Variants in SUGCT observed in about 807,000 individuals in gnomAD.
SUGCT encodes succinyl-CoA:glutarate-CoA transferase.
Under a neutral mutation model 55.0 loss-of-function variants are expected in SUGCT, and 41 were observed. That is an observed-to-expected ratio of 0.74 (90% CI 0.58 to 0.97). The LOEUF (loss-of-function observed/expected upper bound fraction) is 0.97, where lower values mean the gene tolerates loss of function less well. Ranked by LOEUF, SUGCT falls within the 50% of genes least tolerant of loss-of-function variation. SUGCT has a pLI of 0.00. For missense variants in SUGCT, 568 were observed against 547.8 expected, an observed-to-expected ratio of 1.04 and a Z score of -0.37; for synonymous variants, 187 against 200.4, an observed-to-expected ratio of 0.93 and a Z score of 0.56.
At chr7:40,887,233 A>G in the SUGCT span, among the ~76,000 whole-genome samples, 7 of 152,228 alleles carry the variant, frequency 4.6e-5, no homozygotes, top group Non-Finnish European at 1.0e-4. Context: ...TAAAATGGGA[A>G]GTTACCAAGG....
chr7:40,336,522 T>C (rs1418492575), intron 9 of SUGCT, among the ~76,000 whole-genome samples: 1 of 152,232 alleles, frequency 6.6e-6, no homozygotes, highest in African/African-American at 2.4e-5. Context: ...CTAGATTTTC[T>C]AGTTTATTTG....
At chr7:40,233,202 A>C (rs1788821388) in intron 6 of SUGCT, among the ~76,000 whole-genome samples, 1 of 151,832 alleles carries the variant, frequency 6.6e-6, no homozygotes, top group African/African-American at 2.4e-5. Context: ...CTATTATGGA[A>C]TATATATGTT....
At chr7:40,925,684 A>G in the SUGCT span, among the ~76,000 whole-genome samples, 1 of 152,180 alleles carries the variant, frequency 6.6e-6, no homozygotes, top group Non-Finnish European at 1.5e-5. Context: ...TACCAAGATA[A>G]GAAAACTGGA....
chr7:40,337,729 G>A (rs552540276), intron 9 of SUGCT, among the ~76,000 whole-genome samples: 6 of 152,198 alleles, frequency 3.9e-5, no homozygotes, highest in Admixed American at 3.9e-4. Context: ...CTTTTAATTG[G>A]AGTATTTAGC....
At chr7:40,937,326 G>T in the SUGCT span, among the ~76,000 whole-genome samples, 4 of 152,038 alleles carry the variant, frequency 2.6e-5, no homozygotes, top group African/African-American at 9.7e-5. Context: ...CTGCCACTAT[G>T]CCCAGCAAAT....
chr7:40,334,815 G>T (rs573572121), intron 9 of SUGCT, among the ~76,000 whole-genome samples: 2 of 152,324 alleles, frequency 1.3e-5, no homozygotes, highest in Admixed American at 1.3e-4. Flanking sequence ...TTTTAGACAT[G>T]TAGTCCTTGC....
At chr7:40,425,649 G>A (rs1016988602) in intron 9 of SUGCT, among the ~76,000 whole-genome samples, 5 of 152,104 alleles carry the variant, frequency 3.3e-5, no homozygotes, top group African/African-American at 9.7e-5. Context: ...AAGATTGGTG[G>A]GGAGCCTTAG....
At chr7:40,898,089 G>A in the SUGCT span, among the ~76,000 whole-genome samples, 4 of 152,134 alleles carry the variant, frequency 2.6e-5, no homozygotes, top group Admixed American at 1.3e-4. Flanking sequence ...TTTATGAGCT[G>A]TAACACTCAC....
chr7:40,417,215 C>G (rs1204197779), intron 9 of SUGCT, among the ~76,000 whole-genome samples: 1 of 151,842 alleles, frequency 6.6e-6, no homozygotes, highest in Non-Finnish European at 1.5e-5. Context: ...TACATTTCAG[C>G]TTTTTTCTTT....
intron 13 of SUGCT, among the ~76,000 whole-genome samples, chr7:40,828,525 T>C (rs1202087909): frequency 6.6e-6 from 1 of 151,624 alleles, no homozygotes; most frequent in Non-Finnish European, 1.5e-5. Context: ...AAAGATTTTG[T>C]TTCCTCCTCC....
chr7:40,264,996 TA>T (rs1271892923), intron 7 of SUGCT, among the ~76,000 whole-genome samples: 9 of 152,244 alleles, frequency 5.9e-5, no homozygotes, highest in African/African-American at 2.2e-4. Context: ...AAGTAGATTT[TA>T]TCATTACCCA....
chr7:40,881,221 C>A, the SUGCT span, among the ~76,000 whole-genome samples: 2 of 152,166 alleles, frequency 1.3e-5, no homozygotes, highest in African/African-American at 4.8e-5. Context: ...TCAGCCAAAG[C>A]CTTGGCTAGT....
chr7:40,411,196 C>A (rs1369804522), intron 9 of SUGCT, among the ~76,000 whole-genome samples: 3 of 152,108 alleles, frequency 2.0e-5, no homozygotes, highest in Non-Finnish European at 4.4e-5. Context: ...AGTTCAAGAC[C>A]AACCTGGCCA....
At chr7:40,626,811 A>C (rs1454917432) in intron 12 of SUGCT, among the ~76,000 whole-genome samples, 2 of 152,098 alleles carry the variant, frequency 1.3e-5, no homozygotes, top group East Asian at 3.9e-4. Context: ...ATGCACAATC[A>C]TACCTGCTTC....
At chr7:40,505,660 A>G (rs1484296211) in intron 12 of SUGCT, among the ~76,000 whole-genome samples, 2 of 152,084 alleles carry the variant, frequency 1.3e-5, no homozygotes, top group African/African-American at 4.8e-5. Flanking sequence ...GTGTGCATAT[A>G]TACATATGAA....
chr7:40,244,742 C>T (rs1348196965), intron 7 of SUGCT, among the ~76,000 whole-genome samples: 4 of 152,132 alleles, frequency 2.6e-5, no homozygotes, highest in Non-Finnish European at 2.9e-5. Context: ...ATTTATTTTT[C>T]GAAGAGGTAA....
the SUGCT span, among the ~76,000 whole-genome samples, chr7:41,022,029 C>A: frequency 1.3e-5 from 2 of 151,840 alleles, no homozygotes. Context: ...AAAGAAAGAG[C>A]CAATATTCAA....
chr7:40,527,438 C>T (rs1793864119), intron 12 of SUGCT, among the ~76,000 whole-genome samples: 1 of 152,198 alleles, frequency 6.6e-6, no homozygotes, highest in South Asian at 2.1e-4. Flanking sequence ...CAGAGACAGA[C>T]ACATCCCTTT....
At chr7:40,214,181 A>G (rs1327300401) in intron 6 of SUGCT, among the ~76,000 whole-genome samples, 1 of 152,150 alleles carries the variant, frequency 6.6e-6, no homozygotes, top group African/African-American at 2.4e-5. Context: ...GTTCTTACTG[A>G]TAGAGTTTAA....
Sources: allele counts gnomAD v4.1 joint callset (sites outside exome capture counted in the v4.1 genomes callset), GRCh38; gene constraint gnomAD v4.1.1; transcripts MANE v1.5; gene names NCBI Gene and HGNC (gene_info 2026-07-23, HGNC 2026-07-21).